CEP63: variants seen among roughly 807,000 people sequenced by gnomAD.
The protein encoded by CEP63 is centrosomal protein 63.
A neutral mutation model predicts 89.1 loss-of-function variants in CEP63; 84 were observed. That is an observed-to-expected ratio of 0.94 (90% CI 0.79 to 1.13). The LOEUF (loss-of-function observed/expected upper bound fraction) is 1.13, where lower values mean the gene tolerates loss of function less well. CEP63 is among the 50% of genes most tolerant of loss of function. CEP63 has a pLI of 0.00. For missense variants in CEP63, 838 were observed against 813.3 expected, an observed-to-expected ratio of 1.03 and a Z score of -0.37; for synonymous variants, 267 against 272.5, an observed-to-expected ratio of 0.98 and a Z score of 0.20.
chr3:134,774,123 G>C, the CEP63 span, among the ~76,000 whole-genome samples: 1 of 152,168 alleles, frequency 6.6e-6, no homozygotes, highest in African/African-American at 2.4e-5. Context: ...GAAGGAAAGG[G>C]GGTCCCATTG....
the CEP63 span, among the ~76,000 whole-genome samples, chr3:134,695,757 A>C: frequency 6.6e-6 from 1 of 152,228 alleles, no homozygotes; most frequent in East Asian, 1.9e-4. Flanking sequence ...TGGCCCGAGC[A>C]CTGGAGGTAG....
At chr3:134,543,394 T>A (rs767171513) in intron 6 of CEP63, among the ~76,000 whole-genome samples, 2 of 152,228 alleles carry the variant, frequency 1.3e-5, no homozygotes, top group Non-Finnish European at 2.9e-5. Context: ...GTACTTGAGT[T>A]GATTAATGTA....
chr3:134,595,464 G>T, the CEP63 span, among the ~76,000 whole-genome samples: 7 of 152,086 alleles, frequency 4.6e-5, no homozygotes, highest in African/African-American at 1.7e-4. Context: ...CATTATTTTG[G>T]TCTGAGCCCT....
the CEP63 span, among the ~76,000 whole-genome samples, chr3:134,646,048 G>A: frequency 6.6e-6 from 1 of 152,124 alleles, no homozygotes; most frequent in Admixed American, 6.5e-5. Context: ...GTGCTTCTTT[G>A]TTTCCACCTG....
At chr3:134,627,922 T>A in the CEP63 span, 2 of 835,262 alleles carry the variant, frequency 2.4e-6, no homozygotes, top group Non-Finnish European at 4.0e-6. Context: ...CCCCTCCTCT[T>A]TACTCTCCTT....
At chr3:134,634,567 C>T in the CEP63 span, among the ~76,000 whole-genome samples, 6 of 152,294 alleles carry the variant, frequency 3.9e-5, no homozygotes, top group African/African-American at 1.4e-4. Context: ...AGATGTTCAG[C>T]ATCATCAGCC....
At chr3:134,752,380 G>A in the CEP63 span, among the ~76,000 whole-genome samples, 6,466 of 152,146 alleles carry the variant, frequency 0.042, 472 homozygotes, top group African/African-American at 0.15. Flanking sequence ...TATGAGCTGC[G>A]TGCATGATAC....
At chr3:134,501,364 G>T (rs1197988253) in intron 2 of CEP63, among the ~76,000 whole-genome samples, 1 of 152,144 alleles carries the variant, frequency 6.6e-6, no homozygotes, top group Non-Finnish European at 1.5e-5. Flanking sequence ...TTCTAATTCT[G>T]TGAAGAATGA....
the CEP63 span, among the ~76,000 whole-genome samples, chr3:134,757,607 A>T: frequency 6.6e-6 from 1 of 152,196 alleles, no homozygotes; most frequent in Non-Finnish European, 1.5e-5. Context: ...AAAATGTACA[A>T]AGTTAGGAAA....
the CEP63 span, among the ~76,000 whole-genome samples, chr3:134,634,521 T>C: frequency 2.6e-5 from 4 of 152,160 alleles, no homozygotes; most frequent in African/African-American, 9.7e-5. Flanking sequence ...TATTTTACTA[T>C]AAAAGAGATT....
chr3:134,633,197 A>G, the CEP63 span, among the ~76,000 whole-genome samples: 14 of 152,212 alleles, frequency 9.2e-5, no homozygotes, highest in African/African-American at 3.4e-4. Context: ...AATAACATCA[A>G]TTCTTCATAG....
the CEP63 span, among the ~76,000 whole-genome samples, chr3:134,747,810 G>A: frequency 1.4e-4 from 22 of 152,262 alleles, 1 homozygote; most frequent in African/African-American, 4.8e-4. Context: ...TTTTGAGACG[G>A]AGTCTCACTC....
the CEP63 span, among the ~76,000 whole-genome samples, chr3:134,690,140 T>A: frequency 6.6e-6 from 1 of 152,252 alleles, no homozygotes; most frequent in Non-Finnish European, 1.5e-5. Context: ...TTTGCTTGGA[T>A]AATTAGTATT....
At chr3:134,723,871 A>G in the CEP63 span, among the ~76,000 whole-genome samples, 1 of 152,330 alleles carries the variant, frequency 6.6e-6, no homozygotes, top group South Asian at 2.1e-4. Context: ...CAAGACGCAG[A>G]TTTTAACAAA....
At chr3:134,513,074 G>A (rs1306065714) in intron 3 of CEP63, among the ~76,000 whole-genome samples, 2 of 152,002 alleles carry the variant, frequency 1.3e-5, no homozygotes, top group Non-Finnish European at 2.9e-5. Context: ...TCTTTTCCCT[G>A]TGAAGACATC....
At chr3:134,616,850 C>G in the CEP63 span, among the ~76,000 whole-genome samples, 1 of 152,180 alleles carries the variant, frequency 6.6e-6, no homozygotes, top group Admixed American at 6.5e-5. Flanking sequence ...TCAAAAAACA[C>G]CCACCCCAAA....
At chr3:134,486,452 T>C (rs538939660) in intron 1 of CEP63, 5 of 985,404 alleles carry the variant, frequency 5.1e-6, no homozygotes, top group Non-Finnish European at 6.0e-6. Context: ...CCCTGCACAC[T>C]GGCGGAGTCT....
At chr3:134,746,206 G>T in the CEP63 span, among the ~76,000 whole-genome samples, 1 of 151,682 alleles carries the variant, frequency 6.6e-6, no homozygotes, top group African/African-American at 2.4e-5. Context: ...TGCTGAGAAT[G>T]ATGGTTTCCA....
intron 12 of CEP63, among the ~76,000 whole-genome samples, chr3:134,553,820 C>G (rs1955469493): frequency 6.6e-6 from 1 of 152,162 alleles, no homozygotes; most frequent in Non-Finnish European, 1.5e-5. Context: ...GAATTGTTTT[C>G]AGAATGGTCT....
Sources: gnomAD v4.1 joint callset for allele counts (sites outside exome capture counted in the v4.1 genomes callset) on GRCh38, gnomAD v4.1.1 for gene constraint, MANE v1.5 for transcripts, NCBI Gene and HGNC (gene_info 2026-07-23, HGNC 2026-07-21) for gene names.